The following RORA variants were observed in gnomAD, a reference collection of about 807,000 sequenced individuals.
RORA encodes the protein RAR related orphan receptor A.
RORA carries 7 observed loss-of-function variants against 69.5 expected under a neutral mutation model. That is an observed-to-expected ratio of 0.10 (90% CI 0.06 to 0.19). The LOEUF is 0.19. Ranked by LOEUF, RORA falls within the 10% of genes least tolerant of loss-of-function variation. RORA has a pLI of 1.00. For missense variants in RORA, 457 were observed against 663.0 expected (o/e 0.69, Z 3.41); for synonymous variants, 261 against 240.8 (o/e 1.08, Z -0.78).
At chr15:61,093,299 C>G (rs946031016) in intron 1 of RORA, among the ~76,000 whole-genome samples, 1 of 152,224 alleles carries the variant, frequency 6.6e-6, no homozygotes, top group African/African-American at 2.4e-5. Context: ...TTAGGTGCCA[C>G]AAGAGACCAT....
At chr15:60,516,172 T>TA (rs1491109635) in intron 3 of RORA, among the ~76,000 whole-genome samples, 1 of 33,552 alleles carries the variant, frequency 3.0e-5, no homozygotes, top group African/African-American at 1.3e-4. Context: ...TATATATATA[T>TA]TTATATATAT....
chr15:61,033,097 T>G lies in RORA; in HGVS notation c.166+195956A>C, dbSNP rs187966883. Among the ~76,000 whole-genome samples the G allele has an allele frequency of 1.7e-3, 258 of 152,306 alleles. 1 individual carries two copies. Among genetic ancestry groups the G allele is most frequent in the Non-Finnish European group, 3.0e-3 (206 of 68,026 alleles). On this transcript the variant is annotated intron_variant, in intron 1 of 10. Transcript: ENST00000335670. ...TCACCCAGCTGTTCAAACCAAAGGC[T>G]ATCAGATTATAAAAGTCCACGCTCT...
intron 2 of RORA, among the ~76,000 whole-genome samples, chr15:60,633,915 A>G (rs1348162780): frequency 6.6e-6 from 1 of 152,246 alleles, no homozygotes. Flanking sequence ...ACTCAATTTC[A>G]TATGCTGCAG....
chr15:61,097,889 GT>G (rs1258390605), intron 1 of RORA, among the ~76,000 whole-genome samples: 1 of 152,136 alleles, frequency 6.6e-6, no homozygotes, highest in Admixed American at 6.5e-5. Flanking sequence ...CAACTTCACA[GT>G]TGAGAAAACT....
In RORA at chr15:61,147,220, G is replaced by A. The variant is rs1480996639; in HGVS notation, c.166+81833C>T. On this transcript the variant is annotated intron_variant, in intron 1 of 10. Coordinates refer to ENST00000335670, the MANE Select transcript of RORA (RefSeq NM_134261.3). This position sits in a 1 kb window ranked among gnomAD's most constrained non-coding sequence, Gnocchi z 4.1. ...CATGCCTTGAACCACACAGCACCGT[G>A]GTCGTTTCCACCACCCAAGAGAACC... 1.3e-5 allele frequency among the ~76,000 whole-genome samples: 2 copies of A among 152,148 alleles called. No homozygotes were observed. The highest frequency in any genetic ancestry group is 2.9e-5 in the Non-Finnish European group (2 of 68,032).
intron 1 of RORA, among the ~76,000 whole-genome samples, chr15:61,177,196 G>A (rs962307031): frequency 6.6e-6 from 1 of 152,186 alleles, no homozygotes; most frequent in African/African-American, 2.4e-5. Context: ...CAGCAGAGAA[G>A]AGGAAGATTT....
rs551856700 is a variant in RORA, at chr15:61,117,467, G to A, written c.166+111586C>T. Reference sequence around the variant, plus strand: ...TTGTACATTAGTATTAATATAACATGCCTAAGTACCTCCCAAAGTAAATTC... The same window carrying A: ...TTGTACATTAGTATTAATATAACATACCTAAGTACCTCCCAAAGTAAATTC... On this transcript the variant is annotated intron_variant, in intron 1 of 10. Coordinates refer to ENST00000335670, the MANE Select transcript of RORA (RefSeq NM_134261.3). Among the ~76,000 whole-genome samples, 185 of 152,190 alleles carry A rather than the reference G, an allele frequency of 1.2e-3. 1 individual carries two copies. The highest frequency in any genetic ancestry group is 3.4e-3 in the Middle Eastern group (1 of 292).
intron 1 of RORA, among the ~76,000 whole-genome samples, chr15:60,744,236 G>T (rs1022677291): frequency 6.6e-6 from 1 of 152,192 alleles, no homozygotes; most frequent in African/African-American, 2.4e-5. Context: ...CTGAAAGACT[G>T]TAATAAAGAT....
At chr15:60,676,330 A>C (rs975473284) in intron 2 of RORA, among the ~76,000 whole-genome samples, 13 of 152,208 alleles carry the variant, frequency 8.5e-5, no homozygotes, top group African/African-American at 3.1e-4. Flanking sequence ...TTCAAGTGGC[A>C]TGGAGGACTT....
intron 1 of RORA, among the ~76,000 whole-genome samples, chr15:60,818,432 C>T (rs1269825988): frequency 1.3e-5 from 2 of 152,134 alleles, no homozygotes; most frequent in East Asian, 3.9e-4. Context: ...CTACATTTAA[C>T]AGAGGAAGAC....
At chr15:61,092,806 C>A (rs1232116227) in intron 1 of RORA, among the ~76,000 whole-genome samples, 1 of 152,186 alleles carries the variant, frequency 6.6e-6, no homozygotes, top group Non-Finnish European at 1.5e-5. Flanking sequence ...CAGTCAAAAC[C>A]TTGTTCCCCT....
intron 1 of RORA, among the ~76,000 whole-genome samples, chr15:61,076,098 G>T (rs1288998374): frequency 6.6e-6 from 1 of 152,188 alleles, no homozygotes; most frequent in East Asian, 1.9e-4. Flanking sequence ...TGTCTGTGGA[G>T]GGGTTCAAGG....
At chr15:60,747,867 A>G (rs1446340191) in intron 1 of RORA, among the ~76,000 whole-genome samples, 1 of 152,228 alleles carries the variant, frequency 6.6e-6, no homozygotes, top group East Asian at 1.9e-4. Context: ...TCAGAAAGAA[A>G]AAAAATAATA....
At chr15:60,759,908 T>C (rs1209364227) in intron 1 of RORA, among the ~76,000 whole-genome samples, 1 of 152,182 alleles carries the variant, frequency 6.6e-6, no homozygotes, top group Non-Finnish European at 1.5e-5. Flanking sequence ...AAAAAGTACT[T>C]TGTTAGATTT....
chr15:61,185,907 C>T (rs1378478136), intron 1 of RORA, among the ~76,000 whole-genome samples: 5 of 152,146 alleles, frequency 3.3e-5, no homozygotes, highest in Admixed American at 6.5e-5. Context: ...CATTATTTTT[C>T]CCTGGAATGC....
At chr15:60,820,185 G>A (rs943597228) in intron 1 of RORA, among the ~76,000 whole-genome samples, 5 of 152,248 alleles carry the variant, frequency 3.3e-5, no homozygotes, top group African/African-American at 7.2e-5. Flanking sequence ...CTCCCATCAC[G>A]TGAGGGTGGT....
At chr15:61,188,935 A>G (rs1210594129) in intron 1 of RORA, among the ~76,000 whole-genome samples, 2 of 152,246 alleles carry the variant, frequency 1.3e-5, no homozygotes, top group African/African-American at 2.4e-5. Context: ...AAGAACTAAT[A>G]TTGCAAGTAC....
At chr15:60,502,512 T>C (rs1319709726) in intron 8 of RORA, among the ~76,000 whole-genome samples, 1 of 152,148 alleles carries the variant, frequency 6.6e-6, no homozygotes, top group Non-Finnish European at 1.5e-5. Context: ...GAAGGACACG[T>C]CATATAAATC....
chr15:60,878,351 A>G (rs1037741366), intron 1 of RORA, among the ~76,000 whole-genome samples: 9 of 143,786 alleles, frequency 6.3e-5, no homozygotes, highest in African/African-American at 2.6e-4. Context: ...CTCAAAAAAA[A>G]AAAAAAAAAA....
Sources: allele counts gnomAD v4.1 joint callset (sites outside exome capture counted in the v4.1 genomes callset), GRCh38; gene constraint gnomAD v4.1.1; non-coding constraint Gnocchi (gnomAD v3.1); transcripts MANE v1.5; gene names NCBI Gene and HGNC (gene_info 2026-07-23, HGNC 2026-07-21).